Variants in ZMIZ1 observed in about 807,000 individuals in gnomAD.
ZMIZ1 encodes the protein zinc finger MIZ-type containing 1.
ZMIZ1 carries 17 observed loss-of-function variants against 113.9 expected under a neutral mutation model. That is an observed-to-expected ratio of 0.15 (90% confidence interval 0.10 to 0.22). ZMIZ1 has a LOEUF of 0.22. ZMIZ1 is among the 10% of genes least tolerant of loss of function. The pLI is 1.00. For synonymous variants in ZMIZ1, 607 were observed against 603.1 expected (o/e 1.01, Z -0.09); for missense variants, 1,059 against 1,477.8 (o/e 0.72, Z 4.65).
intron 2 of ZMIZ1, among the ~76,000 whole-genome samples, chr10:79,122,211 A>G (rs704004): frequency 0.44 from 66,751 of 151,810 alleles, 15,010 homozygotes; most frequent in East Asian, 0.6. Flanking sequence ...CCTCATCTCC[A>G]TAAGCCTCAT....
In ZMIZ1 at chr10:79,299,134, C is replaced by T; in HGVS notation, c.1751C>T (p.Ala584Val). The change falls in exon 16 of 25, where the codon GCG becomes GTG. Residue 584 changes from alanine to valine, a missense_variant. Transcript: ENST00000334512. ...CCCTTCCGCCTGGAGCACAACCTGG[C>T]GGTCAGCAACCATGTGTTCCACCTG... ...LEPFRLEHNL[A>V]VSNHVFHLRP... 5 of 1,611,544 alleles carry T rather than the reference C, an allele frequency of 3.1e-6. No individual in the cohort carries two copies. Among genetic ancestry groups the T allele is most frequent in the Non-Finnish European group, 4.2e-6 (5 of 1,179,828 alleles).
chr10:79,148,802 G>A (rs539558692), intron 3 of ZMIZ1, among the ~76,000 whole-genome samples: 2 of 152,300 alleles, frequency 1.3e-5, no homozygotes, highest in Admixed American at 6.5e-5. Context: ...CCAGGCTGAC[G>A]CTGACTTCTG....
At chr10:79,141,744 G>C (rs370242077) in intron 3 of ZMIZ1, among the ~76,000 whole-genome samples, 7 of 152,344 alleles carry the variant, frequency 4.6e-5, no homozygotes, top group African/African-American at 1.2e-4. Flanking sequence ...ATTTAAGATA[G>C]CTGAATGCAG....
intron 21 of ZMIZ1, 114 bp downstream of exon 21, chr10:79,305,715 G>T: frequency 3.7e-6 from 4 of 1,073,670 alleles, no homozygotes; most frequent in Non-Finnish European, 5.6e-6. Context: ...CCAGCAGACC[G>T]TGACCCACAT....
At chr10:79,259,231 G>C (rs934313003) in intron 7 of ZMIZ1, among the ~76,000 whole-genome samples, 1 of 152,176 alleles carries the variant, frequency 6.6e-6, no homozygotes, top group Non-Finnish European at 1.5e-5. Flanking sequence ...TCTGCGTGGG[G>C]CAGGGAAGGG....
intron 7 of ZMIZ1, among the ~76,000 whole-genome samples, chr10:79,257,928 T>C (rs924738721): frequency 4.2e-4 from 64 of 152,248 alleles, no homozygotes; most frequent in African/African-American, 1.5e-3. Flanking sequence ...CTCGCTTTTG[T>C]TGAGCATTTG....
rs563110000 is a variant in ZMIZ1, at chr10:79,247,570, C to T, written c.281-29611C>T. Among the ~76,000 whole-genome samples, 350 of 152,334 alleles carry T rather than the reference C, an allele frequency of 2.3e-3. 2 individuals are homozygous for T. Among genetic ancestry groups the T allele is most frequent in the Middle Eastern group, 0.01 (3 of 294 alleles). On this transcript the variant is annotated intron_variant, in intron 7 of 24. Coordinates refer to ENST00000334512, the MANE Select transcript of ZMIZ1 (RefSeq NM_020338.4). Reference sequence around the variant, plus strand: ...GGCCCTGACTTCTCCTTAGAGCCACCCTGGGGCTTCTCTAAGCCGCAGAGA... The same window carrying T: ...GGCCCTGACTTCTCCTTAGAGCCACTCTGGGGCTTCTCTAAGCCGCAGAGA...
chr10:79,161,049 T>C (rs1846096449), intron 3 of ZMIZ1, among the ~76,000 whole-genome samples: 1 of 152,204 alleles, frequency 6.6e-6, no homozygotes. Flanking sequence ...CTCAGGGCTC[T>C]GTGGGCAGTA....
chr10:79,196,939 T>C (rs1847857629), intron 4 of ZMIZ1, among the ~76,000 whole-genome samples: 1 of 152,170 alleles, frequency 6.6e-6, no homozygotes, highest in Admixed American at 6.5e-5. Flanking sequence ...ACCTGGGTGC[T>C]CACTGGAGTG....
intron 10 of ZMIZ1, 77 bp from the exon 11 acceptor site, chr10:79,292,081 C>T (rs1564588716): frequency 7.1e-7 from 1 of 1,407,294 alleles, no homozygotes; most frequent in Non-Finnish European, 9.9e-7. Flanking sequence ...CATCATCTCC[C>T]TTCCAGCCCA....
intron 4 of ZMIZ1, among the ~76,000 whole-genome samples, chr10:79,170,735 C>T (rs1846561181): frequency 6.6e-6 from 1 of 152,184 alleles, no homozygotes; most frequent in Admixed American, 6.5e-5. Flanking sequence ...CAGAGCCCTC[C>T]CTGTCTTGTT....
At chr10:79,119,735 G>A (rs149935481) in intron 2 of ZMIZ1, among the ~76,000 whole-genome samples, 166 of 152,306 alleles carry the variant, frequency 1.1e-3, no homozygotes, top group African/African-American at 3.5e-3. Flanking sequence ...CTCCTGGTGG[G>A]TCTGGGGTCA....
chr10:79,084,295 G>A (rs146437464), intron 1 of ZMIZ1, among the ~76,000 whole-genome samples: 6 of 152,340 alleles, frequency 3.9e-5, no homozygotes, highest in African/African-American at 9.6e-5. Context: ...GATCAACTGC[G>A]TGGGGCTGGG....
intron 4 of ZMIZ1, among the ~76,000 whole-genome samples, chr10:79,184,046 A>G (rs1007888988): frequency 6.6e-6 from 1 of 152,222 alleles, no homozygotes; most frequent in Non-Finnish European, 1.5e-5. Flanking sequence ...AACGTCGGCC[A>G]GCGTTGCCTC....
intron 6 of ZMIZ1, among the ~76,000 whole-genome samples, chr10:79,211,603 G>T (rs1271608010): frequency 6.6e-6 from 1 of 152,202 alleles, no homozygotes; most frequent in African/African-American, 2.4e-5. Context: ...ACACATTTCT[G>T]TCATACTCAC....
intron 2 of ZMIZ1, among the ~76,000 whole-genome samples, chr10:79,137,503 G>A (rs892040528): frequency 1.4e-4 from 22 of 152,158 alleles, no homozygotes; most frequent in Non-Finnish European, 2.5e-4. Flanking sequence ...ACTCCCCCTC[G>A]GTATGTGCCC....
Position 79,312,922 on chromosome 10 carries a change from T to C in ZMIZ1, c.*173T>C, listed in dbSNP as rs1589627944. On this transcript the variant is annotated 3_prime_UTR_variant, in exon 25 of 25. Coordinates refer to ENST00000334512, the MANE Select transcript of ZMIZ1 (RefSeq NM_020338.4). ...TCTCAGAACAGAGGGGTAGGGAGGG[T>C]GCACCAGTGCACCAGGAAGGCTGTG... The C allele has an allele frequency of 1.6e-6, 1 of 607,054 alleles. No homozygotes were observed. The highest frequency in any genetic ancestry group is 1.9e-5 in the African/African-American group (1 of 53,158). 37.6% of individuals were successfully genotyped at this position (607,054 alleles called of 1,614,324 possible). A position where few individuals can be genotyped will look rare whatever the true frequency, so the allele number is the denominator to read the frequency against.
At chr10:79,312,212 G>C (rs1325805357) in intron 24 of ZMIZ1, among the ~76,000 whole-genome samples, 1 of 152,248 alleles carries the variant, frequency 6.6e-6, no homozygotes, top group Non-Finnish European at 1.5e-5. Context: ...GAGGGATGTT[G>C]GGGGGTTGGG....
intron 1 of ZMIZ1, among the ~76,000 whole-genome samples, chr10:79,081,495 G>T (rs931261885): frequency 9.9e-5 from 15 of 152,162 alleles, no homozygotes; most frequent in African/African-American, 3.6e-4. Context: ...TTCAAGCAGG[G>T]TCAGACATTC....
Sources: gnomAD v4.1 joint callset for allele counts (sites outside exome capture counted in the v4.1 genomes callset) on GRCh38, gnomAD v4.1.1 for gene constraint, MANE v1.5 for transcripts, NCBI Gene and HGNC (gene_info 2026-07-23, HGNC 2026-07-21) for gene names.